The following LRP2 variants were observed in gnomAD, a reference collection of about 807,000 sequenced individuals.
The protein encoded by LRP2 is low-density lipoprotein receptor-related protein 2.
LRP2 carries 172 observed loss-of-function variants against 531.0 expected under a neutral mutation model. The ratio of observed to expected loss-of-function variants is 0.32; its 90% CI spans 0.29 to 0.37. The LOEUF is 0.37. LRP2 is among the 10% of genes least tolerant of loss of function. LRP2 has a pLI of 1.00. For missense variants in LRP2, 5,167 were observed against 5,868.3 expected (o/e 0.88, Z 3.90); for synonymous variants, 1,992 against 2,027.6 (o/e 0.98, Z 0.47).
At chr2:169,261,957 T>G (rs1344156812) in intron 16 of LRP2, among the ~76,000 whole-genome samples, 1 of 150,150 alleles carries the variant, frequency 6.7e-6, no homozygotes, top group Non-Finnish European at 1.5e-5. Context: ...AATCAATAAA[T>G]GTAATCCAGC....
chr2:169,159,402 A>G (rs931948106), intron 63 of LRP2, among the ~76,000 whole-genome samples: 2 of 152,184 alleles, frequency 1.3e-5, no homozygotes, highest in African/African-American at 4.8e-5. Context: ...ACTGGGTTTC[A>G]AAAAGAAAAA....
intron 35 of LRP2, among the ~76,000 whole-genome samples, chr2:169,215,820 A>C (rs1456306107): frequency 6.8e-6 from 1 of 148,074 alleles, no homozygotes; most frequent in African/African-American, 2.5e-5. Context: ...TATAGTATAG[A>C]TACATACTCT....
At chr2:169,205,383 A>C in intron 41 of LRP2, 96 bp downstream of exon 41, 2 of 1,312,914 alleles carry the variant, frequency 1.5e-6, no homozygotes, top group South Asian at 2.4e-5. Context: ...TCTATCTGGC[A>C]TGCTATATTT....
chr2:169,206,313 A>T lies in LRP2; in HGVS notation c.7390+17T>A. On this transcript the variant is annotated intron_variant, in intron 39 of 78. Coordinates refer to ENST00000649046, the MANE Select transcript of LRP2 (RefSeq NM_004525.3). ...TGTGTCTACTTGCAGGACAAGCAGCACCTGGAGTGCACTTACCTGAAGCAA... is the reference window on the plus strand; with the variant it reads ...TGTGTCTACTTGCAGGACAAGCAGCTCCTGGAGTGCACTTACCTGAAGCAA... 6.2e-7 allele frequency: 1 copy of T among 1,613,502 alleles called. No individual in the cohort carries two copies. The highest frequency in any genetic ancestry group is 8.5e-7 in the Non-Finnish European group (1 of 1,179,542).
At chr2:169,283,892 AAG>A (rs1332390802) in intron 9 of LRP2, among the ~76,000 whole-genome samples, 1 of 152,182 alleles carries the variant, frequency 6.6e-6, no homozygotes, top group Non-Finnish European at 1.5e-5. Flanking sequence ...AAAATATTAG[AAG>A]AGTCTTTCTT....
intron 77 of LRP2, among the ~76,000 whole-genome samples, chr2:169,131,233 A>G (rs1319682061): frequency 7.0e-6 from 1 of 143,418 alleles, no homozygotes; most frequent in Non-Finnish European, 1.5e-5. Flanking sequence ...GACAATATTT[A>G]TGTATGTCTG....
At chr2:169,158,444 CT>C (rs1193408104) in intron 63 of LRP2, among the ~76,000 whole-genome samples, 2 of 151,914 alleles carry the variant, frequency 1.3e-5, no homozygotes, top group Non-Finnish European at 1.5e-5. Flanking sequence ...TGCACCATTA[CT>C]TTATGTAACA....
intron 61 of LRP2, among the ~76,000 whole-genome samples, chr2:169,167,047 A>G (rs1459377989): frequency 6.6e-6 from 1 of 152,226 alleles, no homozygotes; most frequent in Non-Finnish European, 1.5e-5. Context: ...CAAGTTCAAT[A>G]TTATAAAACA....
intron 2 of LRP2, 123 bp from the exon 3 acceptor site, chr2:169,319,007 T>C (rs569304399): frequency 1.2e-5 from 14 of 1,204,420 alleles, no homozygotes; most frequent in Admixed American, 2.0e-5. Context: ...AGGCAAATAG[T>C]AAACAACCCT....
intron 63 of LRP2, among the ~76,000 whole-genome samples, chr2:169,158,914 T>C (rs1686465648): frequency 6.6e-6 from 1 of 151,912 alleles, no homozygotes; most frequent in South Asian, 2.1e-4. Context: ...GTTATTCTGA[T>C]CCAGATGTTC....
At chr2:169,321,003 A>G in intron 1 of LRP2, 119 bp from the exon 2 acceptor site, 1 of 712,598 alleles carries the variant, frequency 1.4e-6, no homozygotes, top group Non-Finnish European at 2.5e-6. Context: ...AGAAATGCAA[A>G]TTAGAAAATT....
At chr2:169,219,700 G>A (rs1378468476) in intron 34 of LRP2, among the ~76,000 whole-genome samples, 1 of 152,144 alleles carries the variant, frequency 6.6e-6, no homozygotes, top group African/African-American at 2.4e-5. Flanking sequence ...GGGGAGGAAG[G>A]GAGGAGGGCA....
chr2:169,181,325 C>G, intron 52 of LRP2, 123 bp downstream of exon 52: 1 of 918,956 alleles, frequency 1.1e-6, no homozygotes, highest in South Asian at 1.5e-5. Context: ...TGTGACTTCC[C>G]CCGAATGACT....
intron 32 of LRP2, 108 bp downstream of exon 32, chr2:169,226,314 A>T (rs918854181): frequency 1.1e-6 from 1 of 881,592 alleles, no homozygotes; most frequent in African/African-American, 1.7e-5. Context: ...TTATTTCCAC[A>T]TTGTTTCCCT....
Position 169,127,721 on chromosome 2 carries a change from A to G in LRP2, c.*942T>C, listed in dbSNP as rs778717351. On this transcript the variant is annotated 3_prime_UTR_variant, in exon 79 of 79. Coordinates refer to ENST00000649046, the MANE Select transcript of LRP2 (RefSeq NM_004525.3). ...ATTATAATGATATTTTCATAGAAAC[A>G]AAAACCCAGTTGAGGCTTTACTTAA... The G allele has an allele frequency of 6.7e-6, 1 of 150,344 alleles. No homozygotes were observed. The highest frequency in any genetic ancestry group is 2.5e-5 in the African/African-American group (1 of 40,636). 9.3% of individuals were successfully genotyped at this position (150,344 alleles called of 1,614,324 possible). A position where few individuals can be genotyped will look rare whatever the true frequency, so the allele number is the denominator to read the frequency against.
rs528000792 is a variant in LRP2 at position 169,351,229 on chromosome 2, A to G, written c.79+11092T>C. 3.3e-5 allele frequency among the ~76,000 whole-genome samples: 5 copies of G among 152,202 alleles called. No homozygotes were observed. The South Asian group carries it at 1.0e-3, about 32-fold the overall frequency. On this transcript the variant is annotated intron_variant, in intron 1 of 78. Transcript: ENST00000649046. ...ATGGAAGTCATGAGTGACTTTGACC[A>G]AAAAAATATCTATCAAGGATGAGGG... is the stretch of plus-strand genomic sequence containing the variant.
intron 1 of LRP2, among the ~76,000 whole-genome samples, chr2:169,323,717 A>G (rs1684965475): frequency 6.6e-6 from 1 of 152,062 alleles, no homozygotes; most frequent in African/African-American, 2.4e-5. Flanking sequence ...CAGCTTTAAA[A>G]CTTTGTTCAG....
chr2:169,190,809 T>G (rs149448609), intron 48 of LRP2, among the ~76,000 whole-genome samples: 28 of 152,342 alleles, frequency 1.8e-4, no homozygotes, highest in African/African-American at 6.7e-4. Flanking sequence ...CTTTCTGGAC[T>G]CCCCTACTTT....
At chr2:169,262,634 T>A (rs1161985546) in intron 16 of LRP2, among the ~76,000 whole-genome samples, 12 of 148,806 alleles carry the variant, frequency 8.1e-5, no homozygotes, top group Admixed American at 1.4e-4. Flanking sequence ...TGCTCATGGG[T>A]AGGAAGAATC....
Sources: allele counts gnomAD v4.1 joint callset (sites outside exome capture counted in the v4.1 genomes callset), GRCh38; gene constraint gnomAD v4.1.1; transcripts MANE v1.5; gene names NCBI Gene and HGNC (gene_info 2026-07-23, HGNC 2026-07-21).